Variants in ATF7IP2 observed in about 807,000 individuals in gnomAD.
ATF7IP2 encodes the protein activating transcription factor 7-interacting protein 2.
Under a neutral mutation model 64.2 loss-of-function variants are expected in ATF7IP2, and 42 were observed. That is an observed-to-expected ratio of 0.65 (90% CI 0.51 to 0.85). ATF7IP2 has a LOEUF of 0.85. Ranked by LOEUF, ATF7IP2 falls within the 40% of genes least tolerant of loss-of-function variation. The pLI, the probability that ATF7IP2 is intolerant of heterozygous loss-of-function variation, is 0.00. For synonymous variants in ATF7IP2, 308 were observed against 272.8 expected (o/e 1.13, Z -1.27); for missense variants, 933 against 784.2 (o/e 1.19, Z -2.27).
Position 10,431,496 on chromosome 16 carries a change from G to T in ATF7IP2, c.835+41G>T, listed in dbSNP as rs758264915. The T allele has an allele frequency of 3.5e-5, 47 of 1,345,726 alleles. No homozygotes were observed. The Middle Eastern group carries it at 7.6e-4, about 22-fold the overall frequency. 83.4% of individuals were successfully genotyped at this position (1,345,726 alleles called of 1,614,324 possible). On this transcript the variant is annotated intron_variant, in intron 5 of 13. Coordinates refer to ENST00000562102, the MANE Select transcript of ATF7IP2 (RefSeq NM_001393719.1). ...TGCACCTTTTAGAAAAATTAAAATA[G>T]TCACTTTTCTTTAGGGTATTTTAAA...
chr16:10,421,119 A>T (rs1040804335), intron 3 of ATF7IP2, among the ~76,000 whole-genome samples: 20 of 152,218 alleles, frequency 1.3e-4, no homozygotes, highest in African/African-American at 4.8e-4. Flanking sequence ...CAATTTTTCC[A>T]GGATCATATC....
Position 10,408,462 on chromosome 16 carries a change from A to G in ATF7IP2, c.-241-6112A>G, listed in dbSNP as rs58449697. ...GCTAGTTTACATTCCCACCAGCAGC[A>G]TAGAAGTGTTCCATTTACACCACAT... On this transcript the variant is annotated intron_variant, in intron 1 of 13. Coordinates refer to ENST00000562102, the MANE Select transcript of ATF7IP2 (RefSeq NM_001393719.1). Among the ~76,000 whole-genome samples the G allele has an allele frequency of 8.6e-3, 1,308 of 152,294 alleles. 14 individuals carry two copies. Among genetic ancestry groups the G allele is most frequent in the African/African-American group, 0.029 (1,198 of 41,550 alleles).
chr16:10,417,394 C>T (rs915934002), intron 2 of ATF7IP2, among the ~76,000 whole-genome samples: 2 of 152,046 alleles, frequency 1.3e-5, no homozygotes, highest in African/African-American at 4.8e-5. Context: ...AAAAGATATT[C>T]TGTGCAATGG....
chr16:10,400,186 G>T (rs923505792), intron 1 of ATF7IP2, among the ~76,000 whole-genome samples: 1 of 151,930 alleles, frequency 6.6e-6, no homozygotes, highest in Non-Finnish European at 1.5e-5. Flanking sequence ...GATTACAGGC[G>T]CCTGCCACCA....
Position 10,392,492 on chromosome 16 carries a change from A to T in ATF7IP2, c.-242+6370A>T, listed in dbSNP as rs965038993. Among the ~76,000 whole-genome samples, 4 of 151,806 alleles carry T rather than the reference A, an allele frequency of 2.6e-5. No homozygotes were observed. In the South Asian group the frequency reaches 6.2e-4, roughly 24 times the overall value. On this transcript the variant is annotated intron_variant, in intron 1 of 13. Transcript: ENST00000562102. ...TCAATTTTAATGGAAAACCTTTACC[A>T]CTAAGTTAACCCCAGGCCCAAATGG...
Position 10,431,847 on chromosome 16 carries a change from G to A in ATF7IP2, c.835+392G>A, listed in dbSNP as rs184643424. ...TTTTTTTTTTTTTTTTTTTTGAGACGGAGTCTCGCTCTGTCGCTCAGGCTG... is the reference window on the plus strand; with the variant it reads ...TTTTTTTTTTTTTTTTTTTTGAGACAGAGTCTCGCTCTGTCGCTCAGGCTG... On this transcript the variant is annotated intron_variant, in intron 5 of 13. Transcript: ENST00000562102. Among the ~76,000 whole-genome samples the A allele has an allele frequency of 7.5e-3, 985 of 132,056 alleles. 9 individuals carry two copies. The highest frequency in any genetic ancestry group is 0.027 in the African/African-American group (913 of 33,964). The allele number at this position is 132,056 out of a possible 152,430, so 86.6% of individuals were successfully genotyped here. A position where few individuals can be genotyped will look rare whatever the true frequency, so the allele number is the denominator to read the frequency against.
rs184387696 is a variant in ATF7IP2 at position 10,455,208 on chromosome 16, T to A, written c.1195-2164T>A. ...AGAGTCTTTGTAGGTATTATTAAAT[T>A]AAGTACCTTGAGATGATGGGTAGTT... On this transcript the variant is annotated intron_variant, in intron 8 of 13. Transcript: ENST00000562102. Among the ~76,000 whole-genome samples, 17 of 152,358 alleles carry A rather than the reference T, an allele frequency of 1.1e-4. No homozygotes were observed. In the East Asian group the frequency reaches 3.3e-3, roughly 29 times the overall value.
intron 4 of ATF7IP2, among the ~76,000 whole-genome samples, chr16:10,429,473 C>T (rs996927667): frequency 7.2e-5 from 11 of 152,278 alleles, no homozygotes; most frequent in African/African-American, 2.2e-4. Flanking sequence ...GCCTCGGCCT[C>T]CCAGAAGCTG....
chr16:10,481,067 A>T, intron 13 of ATF7IP2, 103 bp downstream of exon 13: 1 of 825,486 alleles, frequency 1.2e-6, no homozygotes, highest in Non-Finnish European at 2.0e-6. Context: ...CAGCTTAGAC[A>T]ACAATTTAGT....
intron 1 of ATF7IP2, among the ~76,000 whole-genome samples, chr16:10,409,022 C>T (rs569975252): frequency 2.6e-5 from 4 of 152,144 alleles, no homozygotes; most frequent in African/African-American, 9.7e-5. Flanking sequence ...GGGTGCTGCT[C>T]ATGTCATTCA....
Position 10,438,097 on chromosome 16 carries a change from C to T in ATF7IP2, c.961-4C>T. 6.5e-7 allele frequency: 1 copy of T among 1,527,572 alleles called. No homozygotes were observed. 94.6% of individuals were successfully genotyped at this position (1,527,572 alleles called of 1,614,324 possible). Reference sequence around the variant, plus strand: ...GTGTTTTGGTTTTTATTTTAAAATTCTAGGTCAGACATTTGATTCAGCAGG... The same window carrying T: ...GTGTTTTGGTTTTTATTTTAAAATTTTAGGTCAGACATTTGATTCAGCAGG... On this transcript the variant is annotated splice_region_variant and splice_polypyrimidine_tract_variant and intron_variant, in intron 6 of 13. Coordinates refer to ENST00000562102, the MANE Select transcript of ATF7IP2 (RefSeq NM_001393719.1).
rs1596563024 is a variant in ATF7IP2 at position 10,455,851 on chromosome 16, T to C, written c.1195-1521T>C. Among the ~76,000 whole-genome samples, 4 of 152,294 alleles carry C rather than the reference T, an allele frequency of 2.6e-5. No individual in the cohort carries two copies. The South Asian group carries it at 6.2e-4, about 24-fold the overall frequency. ...TGAAAGGAAATGAGGATACATGTTA[T>C]TGGAAACAGGAGGAAAGGGGATTTG... On this transcript the variant is annotated intron_variant, in intron 8 of 13. Transcript: ENST00000562102.
chr16:10,465,005 T>A (rs1277286809), intron 9 of ATF7IP2, among the ~76,000 whole-genome samples: 1 of 152,162 alleles, frequency 6.6e-6, no homozygotes, highest in East Asian at 1.9e-4. Flanking sequence ...TAATTTTGTG[T>A]TTTTAGTAGA....
intron 1 of ATF7IP2, among the ~76,000 whole-genome samples, chr16:10,408,890 G>A (rs141423008): frequency 0.011 from 1,603 of 152,216 alleles, 28 homozygotes; most frequent in African/African-American, 0.037. Context: ...TTGCTTTTGG[G>A]TTTTTGGTCA....
intron 12 of ATF7IP2, among the ~76,000 whole-genome samples, chr16:10,475,719 C>A (rs1386512473): frequency 3.4e-5 from 2 of 58,328 alleles, no homozygotes; most frequent in Admixed American, 1.9e-4. Flanking sequence ...ATCTAAGAAG[C>A]CAGAAAAAAA....
chr16:10,466,919 G>A (rs1385257314), intron 9 of ATF7IP2, among the ~76,000 whole-genome samples: 1 of 150,516 alleles, frequency 6.6e-6, no homozygotes, highest in Non-Finnish European at 1.5e-5. Flanking sequence ...CAAGTGTTTG[G>A]ATCACCTGTG....
At chr16:10,476,866 A>G (rs1028225278) in intron 12 of ATF7IP2, among the ~76,000 whole-genome samples, 2 of 152,174 alleles carry the variant, frequency 1.3e-5, no homozygotes, top group Non-Finnish European at 2.9e-5. Flanking sequence ...ATAGTATTCC[A>G]TGTGTATATG....
intron 10 of ATF7IP2, 67 bp from the exon 11 acceptor site, chr16:10,473,412 G>T: frequency 1.0e-6 from 1 of 966,430 alleles, no homozygotes; most frequent in Non-Finnish European, 1.6e-6. Flanking sequence ...TTTTGTTTTA[G>T]CATTCATATT....
intron 1 of ATF7IP2, among the ~76,000 whole-genome samples, chr16:10,393,613 G>A (rs944357706): frequency 1.3e-5 from 2 of 152,142 alleles, no homozygotes; most frequent in Admixed American, 1.3e-4. Flanking sequence ...ACATGTTTAA[G>A]GTAGGCTTAG....
Sources: gnomAD v4.1 joint callset for allele counts (sites outside exome capture counted in the v4.1 genomes callset) on GRCh38, gnomAD v4.1.1 for gene constraint, MANE v1.5 for transcripts, NCBI Gene and HGNC (gene_info 2026-07-23, HGNC 2026-07-21) for gene names.